The following CAPZA2 variants were observed in gnomAD, a reference collection of about 807,000 sequenced individuals.
CAPZA2 encodes the protein F-actin-capping protein subunit alpha-2.
In CAPZA2, 13 loss-of-function variants were observed where a neutral mutation model predicts 44.0. The ratio of observed to expected loss-of-function variants is 0.30; its 90% confidence interval spans 0.19 to 0.47. The LOEUF (loss-of-function observed/expected upper bound fraction) is 0.47. Ranked by LOEUF, CAPZA2 falls within the 20% of genes least tolerant of loss-of-function variation. The probability of loss-of-function intolerance (pLI) is 1.00; values close to 1 mark genes in which losing one functional copy is unlikely to be tolerated. For missense variants in CAPZA2, 244 were observed against 338.6 expected, an observed-to-expected ratio of 0.72 and a Z score of 2.19; for synonymous variants, 94 against 108.2, an observed-to-expected ratio of 0.87 and a Z score of 0.81.
At chr7:116,904,065 G>T in intron 4 of CAPZA2, 112 bp from the exon 5 acceptor site, 1 of 658,814 alleles carries the variant, frequency 1.5e-6, no homozygotes, top group Non-Finnish European at 2.6e-6. Context: ...TATGCTTGGA[G>T]TAGGATTGTT....
chr7:116,920,312 C>T lies in CAPZA2; in HGVS notation c.*2445C>T, dbSNP rs550156226. 1 of 152,132 alleles carries T rather than the reference C, an allele frequency of 6.6e-6. No homozygotes were observed. The highest frequency in any genetic ancestry group is 6.6e-5 in the Admixed American group (1 of 15,256). 9.4% of individuals were successfully genotyped at this position (152,132 alleles called of 1,614,324 possible). A position where few individuals can be genotyped will look rare whatever the true frequency, so the allele number is the denominator to read the frequency against. ...AAGAAGAATGGAAACCCAGAGTATC[C>T]TATAGCTCAGGGATGTAATTTTAGT... is the stretch of plus-strand genomic sequence containing the variant. On this transcript the variant is annotated 3_prime_UTR_variant, in exon 10 of 10. Coordinates refer to ENST00000361183, the MANE Select transcript of CAPZA2 (RefSeq NM_006136.3).
chr7:116,903,379 G>A (rs1270636376), intron 4 of CAPZA2, among the ~76,000 whole-genome samples: 1 of 151,964 alleles, frequency 6.6e-6, no homozygotes, highest in Non-Finnish European at 1.5e-5. Context: ...AAAATTCTGT[G>A]TGTATGCAAG....
At chr7:116,892,032 T>A (rs73210103) in intron 2 of CAPZA2, among the ~76,000 whole-genome samples, 2 of 152,236 alleles carry the variant, frequency 1.3e-5, no homozygotes, top group Non-Finnish European at 2.9e-5. Flanking sequence ...CTAACAAGTA[T>A]ATTTAACAAT....
intron 4 of CAPZA2, among the ~76,000 whole-genome samples, chr7:116,902,617 T>G (rs1260615031): frequency 2.0e-5 from 3 of 152,214 alleles, no homozygotes; most frequent in South Asian, 2.1e-4. Context: ...TATTAAAAAT[T>G]ATAATACCTG....
chr7:116,891,612 C>T lies in CAPZA2; in HGVS notation c.104-1382C>T, dbSNP rs537416825. Among the ~76,000 whole-genome samples, 67 of 152,176 alleles carry T rather than the reference C, an allele frequency of 4.4e-4. No individual in the cohort carries two copies. The South Asian group carries it at 5.6e-3, about 13-fold the overall frequency. On this transcript the variant is annotated intron_variant, in intron 2 of 9. Transcript: ENST00000361183. ...CTGCAAGCTCCGCCTCCCGGGTTCA[C>T]GCCATTCTCCTGCCTCAGCCTCCCA...
chr7:116,910,787 C>G lies in CAPZA2; in HGVS notation c.585+476C>G, dbSNP rs574839164. Among the ~76,000 whole-genome samples the G allele has an allele frequency of 3.6e-4, 55 of 152,104 alleles. 1 individual carries two copies. In the South Asian group the frequency reaches 0.011, roughly 30 times the overall value. On this transcript the variant is annotated intron_variant, in intron 7 of 9. Transcript: ENST00000361183. ...TTGGGAGGCCGAGGTGGGTGGATCA[C>G]AAGGTCAGGAGATCAAGACCATCCT...
chr7:116,909,551 G>T (rs1193176426), intron 6 of CAPZA2, among the ~76,000 whole-genome samples: 1 of 151,598 alleles, frequency 6.6e-6, no homozygotes. Flanking sequence ...TGCCTTTTAT[G>T]TGGAGACTTT....
intron 2 of CAPZA2, among the ~76,000 whole-genome samples, chr7:116,892,636 T>A (rs1176634645): frequency 2.0e-5 from 3 of 151,772 alleles, no homozygotes; most frequent in African/African-American, 4.8e-5. Flanking sequence ...CAATAGCTGA[T>A]GAGCTTAAAA....
chr7:116,863,008 CG>C (rs1796438002), intron 1 of CAPZA2, among the ~76,000 whole-genome samples: 1 of 152,094 alleles, frequency 6.6e-6, no homozygotes, highest in Admixed American at 6.5e-5. Flanking sequence ...GGCCGGGGAC[CG>C]GGGACCAGGG....
intron 3 of CAPZA2, among the ~76,000 whole-genome samples, chr7:116,896,208 A>G (rs764764583): frequency 4.0e-5 from 6 of 151,878 alleles, no homozygotes; most frequent in Non-Finnish European, 5.9e-5. Flanking sequence ...AGTGGGGAAA[A>G]CATGACAATT....
rs200646383 is a variant in CAPZA2 at position 116,898,856 on chromosome 7, A to G, written c.219+21A>G. The G allele has an allele frequency of 2.2e-3, 3,111 of 1,423,852 alleles. 8 individuals are homozygous for G. Among genetic ancestry groups the G allele is most frequent in the South Asian group, 3.7e-3 (309 of 83,984 alleles). 88.2% of individuals were successfully genotyped at this position (1,423,852 alleles called of 1,614,324 possible). A position where few individuals can be genotyped will look rare whatever the true frequency, so the allele number is the denominator to read the frequency against. ...ATCAGGTATGTTTCATATAAACACT[A>G]TTCTTTGTTTTGTTTATAACCGTTA... On this transcript the variant is annotated intron_variant, in intron 4 of 9. Coordinates refer to ENST00000361183, the MANE Select transcript of CAPZA2 (RefSeq NM_006136.3).
chr7:116,905,509 A>C (rs1791485531), intron 5 of CAPZA2, among the ~76,000 whole-genome samples: 1 of 152,206 alleles, frequency 6.6e-6, no homozygotes, highest in East Asian at 1.9e-4. Flanking sequence ...AGCGTACCCC[A>C]TTTCTTTCTT....
chr7:116,870,429 C>T (rs1278486853), intron 1 of CAPZA2, among the ~76,000 whole-genome samples: 1 of 152,130 alleles, frequency 6.6e-6, no homozygotes, highest in Non-Finnish European at 1.5e-5. Context: ...ATATTTGGTA[C>T]TTTTACAATA....
chr7:116,888,251 C>T, intron 2 of CAPZA2, 61 bp downstream of exon 2: 3 of 1,093,240 alleles, frequency 2.7e-6, no homozygotes, highest in Non-Finnish European at 4.1e-6. Flanking sequence ...AAAAGAAAAC[C>T]AAAATAATCA....
rs573266975 is a variant in CAPZA2 at position 116,916,519 on chromosome 7, G to A, written c.720+397G>A. 1.1e-4 allele frequency among the ~76,000 whole-genome samples: 17 copies of A among 152,134 alleles called. 1 individual carries two copies. The highest frequency in any genetic ancestry group is 1.6e-4 in the Non-Finnish European group (11 of 68,024). ...GTGCCTGTAGTGACGAGTGCTACTC[G>A]GGAGGCTGAGGCAGGACAATCGCTT... On this transcript the variant is annotated intron_variant, in intron 9 of 9. Transcript: ENST00000361183.
intron 1 of CAPZA2, among the ~76,000 whole-genome samples, chr7:116,883,429 T>G (rs555142654): frequency 6.6e-6 from 1 of 152,340 alleles, no homozygotes; most frequent in Non-Finnish European, 1.5e-5. Flanking sequence ...TCAAAACTTT[T>G]ACTGTGAGAG....
chr7:116,871,936 G>A (rs940449676), intron 1 of CAPZA2, among the ~76,000 whole-genome samples: 1 of 152,138 alleles, frequency 6.6e-6, no homozygotes, highest in Non-Finnish European at 1.5e-5. Flanking sequence ...TAAACAAAAT[G>A]AACGCACAGG....
rs1562959970 is a variant in CAPZA2, at chr7:116,890,557, TATATATATATACAC to T, written c.103+2379_103+2392del. 5.0e-3 allele frequency among the ~76,000 whole-genome samples: 72 copies of T among 14,294 alleles called. 1 individual carries two copies. The highest frequency in any genetic ancestry group is 7.5e-3 in the Non-Finnish European group (53 of 7,112). 9.4% of individuals were successfully genotyped at this position (14,294 alleles called of 152,430 possible). A position where few individuals can be genotyped will look rare whatever the true frequency, so the allele number is the denominator to read the frequency against. On this transcript the variant is annotated intron_variant, in intron 2 of 9. Coordinates refer to ENST00000361183, the MANE Select transcript of CAPZA2 (RefSeq NM_006136.3). ...ATATATATATATATATATATATATA[TATATATATATACAC>T]ATATATATATATATATATATATATA...
intron 1 of CAPZA2, among the ~76,000 whole-genome samples, chr7:116,868,603 G>A (rs534240222): frequency 4.6e-5 from 7 of 152,134 alleles, no homozygotes; most frequent in Non-Finnish European, 8.8e-5. Flanking sequence ...GCGTGGTGTC[G>A]TGCACCTGTA....
Sources: gnomAD v4.1 joint callset for allele counts (sites outside exome capture counted in the v4.1 genomes callset) on GRCh38, gnomAD v4.1.1 for gene constraint, MANE v1.5 for transcripts, NCBI Gene and HGNC (gene_info 2026-07-23, HGNC 2026-07-21) for gene names.